Variants in CHL1 observed in about 807,000 individuals in gnomAD.
CHL1 encodes neural cell adhesion molecule L1-like protein.
CHL1 carries 96 observed loss-of-function variants against 141.9 expected under a neutral mutation model. The observed-to-expected ratio is 0.68, with a 90% CI of 0.57 to 0.80. The LOEUF is 0.80. CHL1 is among the 30% of genes least tolerant of loss of function. The pLI, the probability that CHL1 is intolerant of heterozygous loss-of-function variation, is 0.00. For synonymous variants in CHL1, 613 were observed against 502.2 expected (o/e 1.22, Z -2.95); for missense variants, 1,820 against 1,457.2 (o/e 1.25, Z -4.05).
chr3:248,029 T>C (rs1693333633), intron 2 of CHL1: 1 of 152,120 alleles, frequency 6.6e-6, no homozygotes, highest in Admixed American at 6.6e-5. Context: ...GGCTGTTATG[T>C]TCCTTTCTTG....
chr3:349,842 A>G (rs953744911), intron 10 of CHL1, among the ~76,000 whole-genome samples: 1 of 152,214 alleles, frequency 6.6e-6, no homozygotes, highest in Non-Finnish European at 1.5e-5. Flanking sequence ...TTTTATTGTA[A>G]TACACATATA....
intron 5 of CHL1, among the ~76,000 whole-genome samples, chr3:334,725 G>A (rs1701725268): frequency 6.6e-6 from 1 of 152,092 alleles, no homozygotes; most frequent in South Asian, 2.1e-4. Context: ...TATAAATAGT[G>A]ATACTGCAAA....
intron 2 of CHL1, among the ~76,000 whole-genome samples, chr3:307,010 A>C (rs1559229650): frequency 6.6e-6 from 1 of 152,188 alleles, no homozygotes; most frequent in Admixed American, 6.5e-5. Context: ...AATGGTGTAT[A>C]ACTTGCTCAC....
chr3:307,203 A>C (rs551727065), intron 2 of CHL1, among the ~76,000 whole-genome samples: 1 of 152,326 alleles, frequency 6.6e-6, no homozygotes, highest in African/African-American at 2.4e-5. Flanking sequence ...CCTAGCTACC[A>C]GATGCTATGT....
At chr3:331,585 C>A (rs191778131) in intron 5 of CHL1, among the ~76,000 whole-genome samples, 1 of 152,124 alleles carries the variant, frequency 6.6e-6, no homozygotes, top group Admixed American at 6.6e-5. Flanking sequence ...TGAAGGAAAT[C>A]ATCAAGAATA....
intron 2 of CHL1, among the ~76,000 whole-genome samples, chr3:303,295 T>G (rs1698924732): frequency 7.2e-6 from 1 of 138,190 alleles, no homozygotes; most frequent in Non-Finnish European, 1.7e-5. Flanking sequence ...CACTGGTAGC[T>G]TGATGGGGAT....
intron 9 of CHL1, among the ~76,000 whole-genome samples, chr3:345,394 A>G (rs772499085): frequency 6.6e-6 from 1 of 152,210 alleles, no homozygotes; most frequent in African/African-American, 2.4e-5. Flanking sequence ...AGAGTTTTAC[A>G]TCAAAATCTA....
chr3:206,793 C>T (rs1324632360), intron 1 of CHL1, among the ~76,000 whole-genome samples: 2 of 152,176 alleles, frequency 1.3e-5, no homozygotes, highest in Non-Finnish European at 2.9e-5. Flanking sequence ...AAACTTCACT[C>T]TCATTATCAT....
chr3:349,308 T>C (rs980150463), intron 9 of CHL1, 51 bp from the exon 10 acceptor site: 1 of 1,484,556 alleles, frequency 6.7e-7, no homozygotes, highest in Middle Eastern at 1.8e-4. Flanking sequence ...TTCTTTGTAT[T>C]TTACTTTCCG....
intron 15 of CHL1, among the ~76,000 whole-genome samples, chr3:372,494 G>A (rs1369418218): frequency 6.6e-6 from 1 of 152,084 alleles, no homozygotes; most frequent in Non-Finnish European, 1.5e-5. Context: ...GGTTATTCTA[G>A]TTAGCAGCTC....
chr3:394,489 G>A (rs978009719), intron 23 of CHL1, among the ~76,000 whole-genome samples: 1 of 152,006 alleles, frequency 6.6e-6, no homozygotes, highest in Non-Finnish European at 1.5e-5. Context: ...GGGAGCAAAG[G>A]GCTTATTCTT....
At chr3:302,987 A>G (rs1450647505) in intron 2 of CHL1, among the ~76,000 whole-genome samples, 1 of 152,188 alleles carries the variant, frequency 6.6e-6, no homozygotes, top group Non-Finnish European at 1.5e-5. Context: ...AACACCATTT[A>G]TTAAATAGGG....
chr3:311,327 A>AT (rs1490265977), intron 2 of CHL1, among the ~76,000 whole-genome samples: 3 of 151,720 alleles, frequency 2.0e-5, no homozygotes, highest in Non-Finnish European at 2.9e-5. Context: ...TTCAATAGTA[A>AT]TGCATATACT....
rs1401710574 is a variant in CHL1, at chr3:408,442, T to A, written c.*2731T>A. On this transcript the variant is annotated 3_prime_UTR_variant, in exon 28 of 28. Transcript: ENST00000256509. ...CATTAGGCAGGTTGCTTAACCTTTT[T>A]ATTTCAAACTCTCTCAACTCTAAAG... The A allele has an allele frequency of 6.6e-6, 1 of 152,140 alleles. No individual in the cohort carries two copies. The highest frequency in any genetic ancestry group is 1.5e-5 in the Non-Finnish European group (1 of 68,026). The allele number at this position is 152,140 out of a possible 1,614,324, so 9.4% of individuals were successfully genotyped here. A position where few individuals can be genotyped will look rare whatever the true frequency, so the allele number is the denominator to read the frequency against.
At chr3:280,660 C>T (rs1454050771) in intron 2 of CHL1, among the ~76,000 whole-genome samples, 1 of 152,110 alleles carries the variant, frequency 6.6e-6, no homozygotes, top group East Asian at 1.9e-4. Context: ...TCAAGAGCTT[C>T]CACCATTAGA....
Position 290,666 on chromosome 3 carries a change from G to T in CHL1, c.-94-29017G>T, listed in dbSNP as rs148292463. Among the ~76,000 whole-genome samples, 1,381 of 152,244 alleles carry T rather than the reference G, an allele frequency of 9.1e-3. 28 individuals are homozygous for T. The highest frequency in any genetic ancestry group is 0.032 in the African/African-American group (1,314 of 41,540). On this transcript the variant is annotated intron_variant, in intron 2 of 27. Coordinates refer to ENST00000256509, the MANE Select transcript of CHL1 (RefSeq NM_006614.4). Reference sequence around the variant, plus strand: ...AGAGTACAGTAGGCATTCAGTTAATGCTTGTTGAAAGAATGCATAAACCCC... The same window carrying T: ...AGAGTACAGTAGGCATTCAGTTAATTCTTGTTGAAAGAATGCATAAACCCC...
In CHL1 at chr3:319,744, A is replaced by C. The variant is rs186146627; in HGVS notation, c.-33A>C. 1 of 1,440,012 alleles carries C rather than the reference A, an allele frequency of 6.9e-7. No individual in the cohort carries two copies. Among genetic ancestry groups the C allele is most frequent in the East Asian group, 2.3e-5 (1 of 43,826 alleles). 89.2% of individuals were successfully genotyped at this position (1,440,012 alleles called of 1,614,324 possible). ...AGTGAGAGGAGACATTAAGATTTTC[A>C]TTCTTACCGGGTTGTCTTCTTCCTG... On this transcript the variant is annotated 5_prime_UTR_variant, in exon 3 of 28. Transcript: ENST00000256509.
At chr3:362,207 G>A (rs1704329514) in intron 13 of CHL1, among the ~76,000 whole-genome samples, 1 of 152,158 alleles carries the variant, frequency 6.6e-6, no homozygotes, top group African/African-American at 2.4e-5. Context: ...ATGTGCTTAA[G>A]ACTTTTCCAG....
intron 4 of CHL1, among the ~76,000 whole-genome samples, chr3:327,087 A>G (rs1019057629): frequency 6.6e-6 from 1 of 151,996 alleles, no homozygotes; most frequent in Non-Finnish European, 1.5e-5. Context: ...AAAAGGTAAT[A>G]CCATACACTT....
Sources: gnomAD v4.1 joint callset for allele counts (sites outside exome capture counted in the v4.1 genomes callset) on GRCh38, gnomAD v4.1.1 for gene constraint, MANE v1.5 for transcripts, NCBI Gene and HGNC (gene_info 2026-07-23, HGNC 2026-07-21) for gene names.